PLA2G5: variants seen among roughly 807,000 people sequenced by gnomAD.
PLA2G5 encodes the protein Ca2+-dependent phospholipase A2.
A neutral mutation model predicts 15.9 loss-of-function variants in PLA2G5; 12 were observed. The ratio of observed to expected loss-of-function variants is 0.76; its 90% CI spans 0.48 to 1.23. PLA2G5 has a LOEUF of 1.23. PLA2G5 is among the 50% of genes most tolerant of loss of function. The pLI is 0.00. For synonymous variants in PLA2G5, 71 were observed against 71.4 expected (o/e 0.99, Z 0.03); for missense variants, 169 against 177.1 (o/e 0.95, Z 0.26).
At chr1:20,034,858 C>T (rs2013161324) in intron 1 of PLA2G5, among the ~76,000 whole-genome samples, 1 of 152,060 alleles carries the variant, frequency 6.6e-6, no homozygotes, top group East Asian at 1.9e-4. Flanking sequence ...ACCTCTCACC[C>T]AGCGCTGGGA....
upstream of PLA2G5, among the ~76,000 whole-genome samples, chr1:20,068,321 A>G (rs1367968547): frequency 6.6e-6 from 1 of 152,164 alleles, no homozygotes; most frequent in Non-Finnish European, 1.5e-5. Flanking sequence ...GAAATTTAGA[A>G]CCAATAGGAG....
intron 1 of PLA2G5, among the ~76,000 whole-genome samples, chr1:20,034,470 A>T (rs2100288469): frequency 6.6e-6 from 1 of 152,320 alleles, no homozygotes; most frequent in African/African-American, 2.4e-5. Context: ...GATTGGAACC[A>T]CTGCCTGGTT....
In PLA2G5 at chr1:20,085,563, C is replaced by A. The variant is rs548635454; in HGVS notation, c.41-520C>A. On this transcript the variant is annotated intron_variant, in intron 2 of 4. Transcript: ENST00000375108. The stretch of plus-strand genomic sequence containing the variant: ...AAGAGTCCCATCCTGCTTTTAGATT[C>A]TCTGCCTTATGTTCTAAAGGGTGTG... Among the ~76,000 whole-genome samples, 6 of 152,262 alleles carry A rather than the reference C, an allele frequency of 3.9e-5. No homozygotes were observed. In the South Asian group the frequency reaches 1.2e-3, roughly 32 times the overall value.
At chr1:20,066,964 C>T (rs2015063474), upstream of PLA2G5, among the ~76,000 whole-genome samples, 1 of 151,652 alleles carries the variant, frequency 6.6e-6, no homozygotes, top group Non-Finnish European at 1.5e-5. Flanking sequence ...CATTATCACA[C>T]CACTGCATTC....
chr1:20,037,444 G>A, intron 1 of PLA2G5, among the ~76,000 whole-genome samples: 1 of 152,214 alleles, frequency 6.6e-6, no homozygotes, highest in Non-Finnish European at 1.5e-5. Context: ...ACCAGCACCT[G>A]CTTCAGTGGA....
chr1:20,038,279 CA>C (rs1283410999), intron 1 of PLA2G5, among the ~76,000 whole-genome samples: 1 of 151,812 alleles, frequency 6.6e-6, no homozygotes, highest in Non-Finnish European at 1.5e-5. Context: ...CACCACCCCC[CA>C]AAAAAAATCT....
At chr1:20,042,114 C>T (rs189551026) in intron 1 of PLA2G5, among the ~76,000 whole-genome samples, 73 of 152,224 alleles carry the variant, frequency 4.8e-4, no homozygotes, top group Admixed American at 2.1e-3. Context: ...TGAATATTGA[C>T]GTGTAGTCCT....
intron 1 of PLA2G5, among the ~76,000 whole-genome samples, chr1:20,048,195 G>T (rs2014013521): frequency 1.3e-5 from 2 of 152,090 alleles, no homozygotes; most frequent in Non-Finnish European, 2.9e-5. Context: ...AAAAAGAAAA[G>T]AGTAGTCAAA....
At chr1:20,048,571 T>C (rs147224787) in intron 1 of PLA2G5, among the ~76,000 whole-genome samples, 6 of 152,344 alleles carry the variant, frequency 3.9e-5, no homozygotes, top group African/African-American at 1.2e-4. Flanking sequence ...GTAAGGTTTG[T>C]TTTGGGAAAG....
At chr1:20,041,600 T>G (rs1281461729) in intron 1 of PLA2G5, among the ~76,000 whole-genome samples, 1 of 152,146 alleles carries the variant, frequency 6.6e-6, no homozygotes, top group Non-Finnish European at 1.5e-5. Flanking sequence ...AGAAGTGATT[T>G]CCTTGAGGAT....
At chr1:20,075,056 T>C (rs548398930) in intron 1 of PLA2G5, among the ~76,000 whole-genome samples, 2 of 152,356 alleles carry the variant, frequency 1.3e-5, no homozygotes, top group Non-Finnish European at 2.9e-5. Flanking sequence ...CCGCCAAAGA[T>C]GACCACTGCC....
At chr1:20,084,258 C>T (rs1413430136) in intron 1 of PLA2G5, among the ~76,000 whole-genome samples, 1 of 152,226 alleles carries the variant, frequency 6.6e-6, no homozygotes, top group African/African-American at 2.4e-5. Flanking sequence ...GGTGTGCATC[C>T]GCCCAGCCTC....
rs372362269 is a variant in PLA2G5 at position 20,086,133 on chromosome 1, A to G, written c.91A>G (p.Lys31Glu). Residue 31 changes from lysine (K) to glutamate (E), a missense_variant, in exon 3 of 5, where the codon AAG (lysine) becomes GAG (glutamate). Physicochemically the swap from Lys to Glu is moderately conservative, Grantham distance 56 (BLOSUM62 1). Transcript: ENST00000375108. ...GLLDLKSMIE[K>E]VTGKNALTNY... ...GCTGGACCTAAAATCAATGATCGAG[A>G]AGGTGACAGGGAAGAACGCCCTGAC... is the stretch of plus-strand genomic sequence containing the variant. 1.7e-5 allele frequency: 28 copies of G among 1,613,950 alleles called. No individual in the cohort carries two copies. The highest frequency in any genetic ancestry group is 2.2e-5 in the Non-Finnish European group (26 of 1,180,008).
chr1:20,058,537 T>C (rs1487628532), intron 1 of PLA2G5, among the ~76,000 whole-genome samples: 4 of 152,218 alleles, frequency 2.6e-5, no homozygotes, highest in Admixed American at 2.6e-4. Flanking sequence ...AGTGAACTTG[T>C]AGACAACATG....
In PLA2G5 at chr1:20,086,124, A is replaced by G. The variant is rs752988914; in HGVS notation, c.82A>G (p.Met28Val). ...VQGGLLDLKS[M>V]IEKVTGKNAL... Reference sequence around the variant, plus strand: ...AGGAGGCTTGCTGGACCTAAAATCAATGATCGAGAAGGTGACAGGGAAGAA... The same window carrying G: ...AGGAGGCTTGCTGGACCTAAAATCAGTGATCGAGAAGGTGACAGGGAAGAA... The change falls in exon 3 of 5, where the codon ATG becomes GTG. Residue 28 changes from methionine to valine, a missense_variant. Transcript: ENST00000375108. The G allele has an allele frequency of 3.1e-6, 5 of 1,613,980 alleles. No individual in the cohort carries two copies. Among genetic ancestry groups the G allele is most frequent in the African/African-American group, 2.7e-5 (2 of 74,882 alleles).
At chr1:20,056,132 T>C (rs2014420814) in intron 1 of PLA2G5, among the ~76,000 whole-genome samples, 1 of 152,130 alleles carries the variant, frequency 6.6e-6, no homozygotes, top group Non-Finnish European at 1.5e-5. Context: ...GCTGCGAGGT[T>C]CAAAGCAAAA....
At chr1:20,047,504 C>T (rs1308641503) in intron 1 of PLA2G5, among the ~76,000 whole-genome samples, 1 of 152,148 alleles carries the variant, frequency 6.6e-6, no homozygotes, top group African/African-American at 2.4e-5. Context: ...TGCACATTTA[C>T]ATTGAGAAAA....
chr1:20,057,822 T>C (rs1043560700), intron 1 of PLA2G5, among the ~76,000 whole-genome samples: 2 of 152,118 alleles, frequency 1.3e-5, no homozygotes, highest in African/African-American at 4.8e-5. Context: ...TTTGGTGTTA[T>C]ATTTTCATTT....
chr1:20,080,289 G>A (rs2015936446), intron 1 of PLA2G5, among the ~76,000 whole-genome samples: 1 of 152,160 alleles, frequency 6.6e-6, no homozygotes, highest in Non-Finnish European at 1.5e-5. Context: ...CCTGGGCACT[G>A]TGACCTGCTT....
Sources: gnomAD v4.1 joint callset for allele counts (sites outside exome capture counted in the v4.1 genomes callset) on GRCh38, gnomAD v4.1.1 for gene constraint, MANE v1.5 for transcripts, NCBI Gene and HGNC (gene_info 2026-07-23, HGNC 2026-07-21) for gene names.